The following SLC8A1 variants were observed in gnomAD, a reference collection of about 807,000 sequenced individuals.
The protein encoded by SLC8A1 is solute carrier family 8 member A1, also known as sodium/calcium exchanger 1.
SLC8A1 carries 18 observed loss-of-function variants against 68.3 expected under a neutral mutation model. That is an observed-to-expected ratio of 0.26 (90% confidence interval 0.18 to 0.39). The LOEUF (loss-of-function observed/expected upper bound fraction) is 0.39, where lower values mean the gene tolerates loss of function less well. Ranked by LOEUF, SLC8A1 falls within the 10% of genes least tolerant of loss-of-function variation. The pLI is 1.00. For synonymous variants in SLC8A1, 475 were observed against 415.5 expected, an observed-to-expected ratio of 1.14 and a Z score of -1.74; for missense variants, 985 against 1,156.7, an observed-to-expected ratio of 0.85 and a Z score of 2.15.
At chr2:40,411,953 C>A (rs961284394) in intron 2 of SLC8A1, among the ~76,000 whole-genome samples, 13 of 152,014 alleles carry the variant, frequency 8.6e-5, no homozygotes, top group African/African-American at 3.1e-4. Flanking sequence ...TAGTTCTAAC[C>A]TTTTTGTACA....
chr2:40,407,972 G>A (rs979224208), intron 2 of SLC8A1, among the ~76,000 whole-genome samples: 1 of 152,190 alleles, frequency 6.6e-6, no homozygotes, highest in Non-Finnish European at 1.5e-5. Flanking sequence ...CACAAATGCA[G>A]GGACACACAT....
chr2:40,148,436 T>C (rs2042856860), intron 6 of SLC8A1, among the ~76,000 whole-genome samples: 1 of 152,194 alleles, frequency 6.6e-6, no homozygotes, highest in African/African-American at 2.4e-5. Context: ...ATGGACTCTG[T>C]TCTGAACATA....
intron 1 of SLC8A1, among the ~76,000 whole-genome samples, chr2:40,451,460 C>T (rs562475884): frequency 2.0e-5 from 3 of 152,268 alleles, no homozygotes; most frequent in Admixed American, 6.5e-5. Flanking sequence ...CAGGGATTAC[C>T]GGAAGGAGGG....
chr2:40,392,289 T>C (rs576817311), intron 2 of SLC8A1, among the ~76,000 whole-genome samples: 6 of 151,944 alleles, frequency 3.9e-5, no homozygotes, highest in Admixed American at 1.3e-4. Flanking sequence ...AACCTAAAGA[T>C]CTTTATCATC....
At chr2:40,104,967 G>C (rs2034106380) in exon 8 of SLC8A1, 1 of 151,976 alleles carries the variant, frequency 6.6e-6, no homozygotes, top group Non-Finnish European at 1.5e-5. Flanking sequence ...TGTTTGGTGA[G>C]TACAATGTTA....
chr2:40,233,222 A>AAAAGTGTTCC, intron 2 of SLC8A1, among the ~76,000 whole-genome samples: 1 of 152,174 alleles, frequency 6.6e-6, no homozygotes, highest in East Asian at 1.9e-4. Context: ...CCAACAGTGT[A>AAAAGTGTTCC]AAAGTGTTCC....
intron 2 of SLC8A1, among the ~76,000 whole-genome samples, chr2:40,329,035 A>G (rs1430997740): frequency 2.1e-5 from 3 of 144,950 alleles, no homozygotes; most frequent in African/African-American, 7.8e-5. Context: ...CTACTTCTCT[A>G]TTTTCATCTC....
intron 4 of SLC8A1, among the ~76,000 whole-genome samples, chr2:40,173,877 C>T (rs1357006890): frequency 6.6e-6 from 1 of 152,122 alleles, no homozygotes; most frequent in Non-Finnish European, 1.5e-5. Flanking sequence ...TAAATGTGCA[C>T]AGATGACTCT....
At chr2:40,306,945 A>C (rs2072736279) in intron 2 of SLC8A1, among the ~76,000 whole-genome samples, 2 of 152,200 alleles carry the variant, frequency 1.3e-5, no homozygotes, top group African/African-American at 4.8e-5. Flanking sequence ...TTACTATAGT[A>C]AAGGCTTGTT....
chr2:40,441,546 C>T (rs967090284), intron 1 of SLC8A1, among the ~76,000 whole-genome samples: 19 of 151,714 alleles, frequency 1.3e-4, no homozygotes, highest in South Asian at 8.4e-4. Flanking sequence ...CAAAACAGTA[C>T]GGTACGGGTA....
chr2:40,400,052 G>T (rs563399134), intron 2 of SLC8A1, among the ~76,000 whole-genome samples: 1 of 152,220 alleles, frequency 6.6e-6, no homozygotes, highest in South Asian at 2.1e-4. Flanking sequence ...AGTGCATGCA[G>T]CCCCCAGTCA....
chr2:40,487,762 A>T (rs1705064081), intron 1 of SLC8A1, among the ~76,000 whole-genome samples: 1 of 152,156 alleles, frequency 6.6e-6, no homozygotes, highest in Non-Finnish European at 1.5e-5. Context: ...GAACCTGCTC[A>T]CTCAGACTGG....
At chr2:40,445,667 G>C (rs995812969) in intron 1 of SLC8A1, among the ~76,000 whole-genome samples, 1 of 152,148 alleles carries the variant, frequency 6.6e-6, no homozygotes, top group Non-Finnish European at 1.5e-5. Flanking sequence ...CTGATAAAGA[G>C]AAGCTCTTAA....
intron 2 of SLC8A1, among the ~76,000 whole-genome samples, chr2:40,392,082 G>A (rs1357911284): frequency 1.3e-5 from 1 of 79,312 alleles, no homozygotes; most frequent in Non-Finnish European, 2.6e-5. Flanking sequence ...GAAGGAAGGA[G>A]AAAAATAAAA....
intron 2 of SLC8A1, among the ~76,000 whole-genome samples, chr2:40,397,998 G>A (rs1486273761): frequency 1.3e-5 from 2 of 152,118 alleles, no homozygotes; most frequent in Non-Finnish European, 2.9e-5. Context: ...TCAACTGCCA[G>A]GAAAATAACA....
chr2:40,400,720 G>C (rs536341888), intron 2 of SLC8A1, among the ~76,000 whole-genome samples: 1 of 152,266 alleles, frequency 6.6e-6, no homozygotes, highest in East Asian at 1.9e-4. Context: ...AAAGGTACCA[G>C]TTCCCTTGCA....
intron 2 of SLC8A1, among the ~76,000 whole-genome samples, chr2:40,330,120 G>C (rs1404946430): frequency 1.3e-5 from 2 of 152,150 alleles, no homozygotes; most frequent in Non-Finnish European, 2.9e-5. Context: ...TAATATTTTT[G>C]AATGGACTAT....
chr2:40,421,286 A>C (rs1695437489), intron 2 of SLC8A1, among the ~76,000 whole-genome samples: 1 of 152,130 alleles, frequency 6.6e-6, no homozygotes, highest in South Asian at 2.1e-4. Context: ...TACAGGTGAG[A>C]AAGTTGACTC....
At chr2:40,417,870 TACACACAC>T (rs70957174) in intron 2 of SLC8A1, among the ~76,000 whole-genome samples, 1 of 147,164 alleles carries the variant, frequency 6.8e-6, no homozygotes, top group Non-Finnish European at 1.5e-5. Flanking sequence ...CTTGGATGGA[TACACACAC>T]ACACACACAC....
Sources: gnomAD v4.1 joint callset for allele counts (sites outside exome capture counted in the v4.1 genomes callset) on GRCh38, gnomAD v4.1.1 for gene constraint, MANE v1.5 for transcripts, NCBI Gene and HGNC (gene_info 2026-07-23, HGNC 2026-07-21) for gene names.